ZMAT4: variants seen among roughly 807,000 people sequenced by gnomAD.
ZMAT4 encodes zinc finger matrin-type 4, also known as zinc finger matrin-type protein 4.
ZMAT4 carries 17 observed loss-of-function variants against 28.7 expected under a neutral mutation model. That is an observed-to-expected ratio of 0.59 (90% CI 0.41 to 0.89). The LOEUF is 0.89. Ranked by LOEUF, ZMAT4 falls within the 40% of genes least tolerant of loss-of-function variation. The probability of loss-of-function intolerance (pLI) is 0.00; values close to 1 mark genes in which losing one functional copy is unlikely to be tolerated. For synonymous variants in ZMAT4, 117 were observed against 109.2 expected (o/e 1.07, Z -0.44); for missense variants, 240 against 283.8 (o/e 0.85, Z 1.11).
chr8:40,770,413 T>C (rs1023401726), intron 2 of ZMAT4, among the ~76,000 whole-genome samples: 12 of 152,210 alleles, frequency 7.9e-5, no homozygotes, highest in African/African-American at 2.2e-4. Flanking sequence ...CTGGGGTTTC[T>C]ACAGCTTGCC....
At chr8:40,749,041 C>T (rs543957907) in intron 3 of ZMAT4, among the ~76,000 whole-genome samples, 33 of 152,270 alleles carry the variant, frequency 2.2e-4, no homozygotes, top group African/African-American at 7.2e-4. Context: ...TCACTTGATT[C>T]TCACTGTCTC....
chr8:40,542,222 C>T (rs1052838199), intron 6 of ZMAT4, among the ~76,000 whole-genome samples: 1 of 151,962 alleles, frequency 6.6e-6, no homozygotes, highest in African/African-American at 2.4e-5. Flanking sequence ...ACATGCCAGG[C>T]TGAGATGGAG....
chr8:40,751,755 A>G (rs376352140), intron 3 of ZMAT4, among the ~76,000 whole-genome samples: 1 of 152,318 alleles, frequency 6.6e-6, no homozygotes, highest in East Asian at 1.9e-4. Flanking sequence ...TAGGTGTATA[A>G]TGAAAACCAG....
chr8:40,760,501 AG>A (rs377249325), intron 3 of ZMAT4, among the ~76,000 whole-genome samples: 89 of 152,332 alleles, frequency 5.8e-4, no homozygotes, highest in African/African-American at 2.1e-3. Context: ...GATTGGGGGT[AG>A]GAGAGCTAAG....
At chr8:40,598,524 C>T (rs899723249) in intron 5 of ZMAT4, among the ~76,000 whole-genome samples, 1 of 152,098 alleles carries the variant, frequency 6.6e-6, no homozygotes, top group Non-Finnish European at 1.5e-5. Context: ...CATCCATTTC[C>T]CTGCAAAGGA....
At chr8:40,615,958 A>C (rs949868830) in intron 5 of ZMAT4, among the ~76,000 whole-genome samples, 1 of 152,210 alleles carries the variant, frequency 6.6e-6, no homozygotes, top group African/African-American at 2.4e-5. Flanking sequence ...CAACCTACAA[A>C]ATGGGAGAAA....
At chr8:40,684,699 G>A (rs1249114070) in intron 4 of ZMAT4, among the ~76,000 whole-genome samples, 1 of 152,192 alleles carries the variant, frequency 6.6e-6, no homozygotes, top group Non-Finnish European at 1.5e-5. Context: ...ATTCAAAGAT[G>A]AGGAAAGTGA....
At chr8:40,793,109 A>T (rs566878905) in intron 2 of ZMAT4, among the ~76,000 whole-genome samples, 1 of 152,240 alleles carries the variant, frequency 6.6e-6, no homozygotes, top group South Asian at 2.1e-4. Flanking sequence ...GGTGATAATG[A>T]TGTGTCCATG....
intron 3 of ZMAT4, among the ~76,000 whole-genome samples, chr8:40,744,206 AAGAG>A (rs2150537710): frequency 6.6e-6 from 1 of 152,266 alleles, no homozygotes; most frequent in East Asian, 1.9e-4. Context: ...TGGGAAGCAG[AAGAG>A]ACTGCTTCAC....
At chr8:40,888,310 C>T (rs1167389737) in intron 1 of ZMAT4, among the ~76,000 whole-genome samples, 1 of 152,206 alleles carries the variant, frequency 6.6e-6, no homozygotes, top group East Asian at 1.9e-4. Flanking sequence ...CCCTTACAAA[C>T]TAAGGAGAGT....
chr8:40,777,720 A>T (rs1813658928), intron 2 of ZMAT4, among the ~76,000 whole-genome samples: 1 of 152,184 alleles, frequency 6.6e-6, no homozygotes, highest in African/African-American at 2.4e-5. Context: ...GTGGGAAAAA[A>T]CAACGGACAA....
intron 1 of ZMAT4, among the ~76,000 whole-genome samples, chr8:40,859,486 A>G (rs969783624): frequency 6.6e-6 from 1 of 152,096 alleles, no homozygotes; most frequent in Non-Finnish European, 1.5e-5. Context: ...ACACACACAC[A>G]CACCCCTTAA....
chr8:40,678,405 G>A (rs1366551677), intron 4 of ZMAT4, among the ~76,000 whole-genome samples: 1 of 152,146 alleles, frequency 6.6e-6, no homozygotes, highest in Non-Finnish European at 1.5e-5. Context: ...AAACTCAAGA[G>A]AACATTAAGC....
At chr8:40,788,775 A>AG (rs35862745) in intron 2 of ZMAT4, among the ~76,000 whole-genome samples, 25,090 of 151,848 alleles carry the variant, frequency 0.17, 2,582 homozygotes, top group Middle Eastern at 0.25. Context: ...AAGGAAAAAA[A>AG]AAAACACAAA....
intron 5 of ZMAT4, among the ~76,000 whole-genome samples, chr8:40,589,731 C>CCCTTCTTTCTTTCTTTCTTTCTTTCTTT (rs1804794092): frequency 1.4e-5 from 2 of 139,274 alleles, no homozygotes; most frequent in Non-Finnish European, 3.1e-5. Flanking sequence ...TTCTTCCTTT[C>CCCTTCTTTCTTTCTTTCTTTCTTTCTTT]CTTTCTTTCT....
At chr8:40,586,012 C>A (rs1001751501) in intron 5 of ZMAT4, among the ~76,000 whole-genome samples, 2 of 152,156 alleles carry the variant, frequency 1.3e-5, no homozygotes, top group Non-Finnish European at 2.9e-5. Flanking sequence ...ACAGTTCTCA[C>A]GCTCTGCAGC....
At chr8:40,880,744 T>C (rs887080469) in intron 1 of ZMAT4, among the ~76,000 whole-genome samples, 3 of 152,204 alleles carry the variant, frequency 2.0e-5, no homozygotes, top group African/African-American at 7.2e-5. Flanking sequence ...CACCTGACTA[T>C]GATACTATGC....
At chr8:40,730,560 T>C (rs1178241294) in intron 3 of ZMAT4, among the ~76,000 whole-genome samples, 1 of 152,214 alleles carries the variant, frequency 6.6e-6, no homozygotes, top group Non-Finnish European at 1.5e-5. Context: ...TCATTCTATG[T>C]TCTGTGTATG....
At chr8:40,759,580 G>C (rs1360487740) in intron 3 of ZMAT4, among the ~76,000 whole-genome samples, 1 of 152,122 alleles carries the variant, frequency 6.6e-6, no homozygotes, top group Non-Finnish European at 1.5e-5. Flanking sequence ...CTGACAACTT[G>C]ATCTCAGACT....
Sources: allele counts gnomAD v4.1 joint callset (sites outside exome capture counted in the v4.1 genomes callset), GRCh38; gene constraint gnomAD v4.1.1; transcripts MANE v1.5; gene names NCBI Gene and HGNC (gene_info 2026-07-23, HGNC 2026-07-21).